DENND1A: variants seen among roughly 807,000 people sequenced by gnomAD.
DENND1A encodes the protein DENN domain containing 1A, also known as DENN domain-containing protein 1A.
DENND1A carries 51 observed loss-of-function variants against 113.7 expected under a neutral mutation model. The observed-to-expected ratio is 0.45, with a 90% confidence interval of 0.36 to 0.57. The LOEUF (loss-of-function observed/expected upper bound fraction) is 0.57. Ranked by LOEUF, DENND1A falls within the 20% of genes least tolerant of loss-of-function variation. The probability of loss-of-function intolerance (pLI) is 0.00; values close to 1 mark genes in which losing one functional copy is unlikely to be tolerated. For synonymous variants in DENND1A, 565 were observed against 570.8 expected, an observed-to-expected ratio of 0.99 and a Z score of 0.14; for missense variants, 1,258 against 1,395.9, an observed-to-expected ratio of 0.90 and a Z score of 1.57.
intron 11 of DENND1A, among the ~76,000 whole-genome samples, chr9:123,599,963 C>T (rs1589295073): frequency 6.6e-6 from 1 of 152,078 alleles, no homozygotes; most frequent in African/African-American, 2.4e-5. Flanking sequence ...TAAACAAAAC[C>T]ACATGCGCCC....
chr9:123,638,956 C>T (rs2061862147), intron 9 of DENND1A, among the ~76,000 whole-genome samples: 3 of 139,484 alleles, frequency 2.2e-5, no homozygotes, highest in Admixed American at 1.5e-4. Flanking sequence ...AACATGGAAT[C>T]GTGAGTACCT....
chr9:123,762,428 T>A (rs559343829), intron 4 of DENND1A, among the ~76,000 whole-genome samples: 1 of 152,360 alleles, frequency 6.6e-6, no homozygotes, highest in Non-Finnish European at 1.5e-5. Flanking sequence ...GCCTCTCCAG[T>A]AGCATTTTGC....
At chr9:123,417,843 G>A (rs971924226) in intron 19 of DENND1A, among the ~76,000 whole-genome samples, 2 of 151,424 alleles carry the variant, frequency 1.3e-5, no homozygotes, top group Admixed American at 6.6e-5. Flanking sequence ...GGTAGAGGGC[G>A]CTGTCATGCA....
intron 9 of DENND1A, among the ~76,000 whole-genome samples, chr9:123,636,464 C>G (rs1000184044): frequency 6.6e-6 from 1 of 151,794 alleles, no homozygotes; most frequent in African/African-American, 2.4e-5. Flanking sequence ...TTACAGGCAC[C>G]TGCTACCACG....
chr9:123,393,996 C>CT (rs10665358), intron 21 of DENND1A, among the ~76,000 whole-genome samples: 120,029 of 145,212 alleles, frequency 0.83, 49,774 homozygotes, highest in Middle Eastern at 0.9. Flanking sequence ...GGGAGCCAGA[C>CT]TTTTTTTTTT....
At chr9:123,745,137 G>A (rs1373281788) in intron 5 of DENND1A, among the ~76,000 whole-genome samples, 1 of 152,156 alleles carries the variant, frequency 6.6e-6, no homozygotes, top group Non-Finnish European at 1.5e-5. Flanking sequence ...GGCTCAGACA[G>A]AGTAAATGGA....
At chr9:123,476,367 G>A (rs755779970) in intron 13 of DENND1A, among the ~76,000 whole-genome samples, 2 of 152,164 alleles carry the variant, frequency 1.3e-5, no homozygotes, top group African/African-American at 4.8e-5. Context: ...TCTTGGGCAA[G>A]TGTCTACCCA....
intron 19 of DENND1A, among the ~76,000 whole-genome samples, chr9:123,426,198 T>C (rs1475279295): frequency 6.6e-6 from 1 of 151,998 alleles, no homozygotes; most frequent in African/African-American, 2.4e-5. Flanking sequence ...GGCAAACCAG[T>C]GGTCAGGGAG....
chr9:123,631,320 T>G (rs2061466030), intron 9 of DENND1A, among the ~76,000 whole-genome samples: 1 of 152,198 alleles, frequency 6.6e-6, no homozygotes, highest in Non-Finnish European at 1.5e-5. Context: ...GTTGAACATT[T>G]TGTCATATGT....
chr9:123,862,506 C>G (rs921562391), intron 2 of DENND1A, among the ~76,000 whole-genome samples: 1 of 152,074 alleles, frequency 6.6e-6, no homozygotes. Flanking sequence ...ACCTAAAGAT[C>G]CATAAATGTG....
chr9:123,481,563 G>T lies in DENND1A; in HGVS notation c.994-23666C>A, dbSNP rs189009501. Reference sequence around the variant, plus strand: ...CTGAGAGATTAAGAAACCCAAATAAGGAGTGGTGGGGTCAGGTCCTACCAG... The same window carrying T: ...CTGAGAGATTAAGAAACCCAAATAATGAGTGGTGGGGTCAGGTCCTACCAG... On this transcript the variant is annotated intron_variant, in intron 13 of 23. Transcript: ENST00000394215. Among the ~76,000 whole-genome samples, 5 of 152,298 alleles carry T rather than the reference G, an allele frequency of 3.3e-5. No homozygotes were observed. The East Asian group carries it at 9.6e-4, about 29-fold the overall frequency.
intron 9 of DENND1A, among the ~76,000 whole-genome samples, chr9:123,630,728 A>G (rs1056022475): frequency 1.3e-5 from 2 of 152,220 alleles, no homozygotes; most frequent in African/African-American, 4.8e-5. Context: ...GAAAGGGATT[A>G]AAATAAATGC....
At chr9:123,877,045 A>G (rs2133521096) in intron 2 of DENND1A, among the ~76,000 whole-genome samples, 1 of 152,274 alleles carries the variant, frequency 6.6e-6, no homozygotes, top group East Asian at 1.9e-4. Flanking sequence ...GAGACTCAGA[A>G]GGGTGGGAGG....
intron 5 of DENND1A, among the ~76,000 whole-genome samples, chr9:123,692,159 T>C (rs2065231553): frequency 6.6e-6 from 1 of 152,136 alleles, no homozygotes; most frequent in Admixed American, 6.5e-5. Context: ...AAAGTGGTGG[T>C]ATGGAACAAA....
intron 5 of DENND1A, among the ~76,000 whole-genome samples, chr9:123,726,256 G>T (rs1564145152): frequency 6.6e-6 from 1 of 152,126 alleles, no homozygotes; most frequent in Non-Finnish European, 1.5e-5. Flanking sequence ...TCATTTTTAC[G>T]AAGAAAAGCT....
intron 12 of DENND1A, among the ~76,000 whole-genome samples, chr9:123,562,377 TG>T (rs914784005): frequency 6.6e-6 from 1 of 152,040 alleles, no homozygotes; most frequent in African/African-American, 2.4e-5. Flanking sequence ...TCTCCATCAA[TG>T]GGGGCCTCTG....
intron 1 of DENND1A, among the ~76,000 whole-genome samples, chr9:123,926,176 T>G (rs552111223): frequency 2.0e-5 from 3 of 152,354 alleles, no homozygotes; most frequent in South Asian, 4.1e-4. Flanking sequence ...AGATGTAACA[T>G]TTAGGTTTCC....
At chr9:123,516,618 T>G (rs1347076140) in intron 13 of DENND1A, among the ~76,000 whole-genome samples, 2 of 152,058 alleles carry the variant, frequency 1.3e-5, no homozygotes, top group Admixed American at 1.3e-4. Context: ...CCAGGCACGG[T>G]GGCTCATGCC....
intron 13 of DENND1A, among the ~76,000 whole-genome samples, chr9:123,486,590 A>G (rs1164369847): frequency 6.6e-6 from 1 of 152,166 alleles, no homozygotes; most frequent in Non-Finnish European, 1.5e-5. Context: ...AGCCTCTTGG[A>G]AAGTTGGCAC....
Sources: allele counts gnomAD v4.1 joint callset (sites outside exome capture counted in the v4.1 genomes callset), GRCh38; gene constraint gnomAD v4.1.1; transcripts MANE v1.5; gene names NCBI Gene and HGNC (gene_info 2026-07-23, HGNC 2026-07-21).